SIPA1L1: variants seen among roughly 807,000 people sequenced by gnomAD.
SIPA1L1 encodes signal-induced proliferation-associated 1-like protein 1.
A neutral mutation model predicts 162.7 loss-of-function variants in SIPA1L1; 26 were observed. That is an observed-to-expected ratio of 0.16 (90% CI 0.12 to 0.22). The LOEUF (loss-of-function observed/expected upper bound fraction) is 0.22, where lower values mean the gene tolerates loss of function less well. Among genes scored for constraint, SIPA1L1 ranks in the 10% least tolerant of loss-of-function variants. The pLI, the probability that SIPA1L1 is intolerant of heterozygous loss-of-function variation, is 1.00. For synonymous variants in SIPA1L1, 829 were observed against 837.4 expected, an observed-to-expected ratio of 0.99 and a Z score of 0.17; for missense variants, 1,874 against 2,241.0, an observed-to-expected ratio of 0.84 and a Z score of 3.31.
intron 13 of SIPA1L1, among the ~76,000 whole-genome samples, chr14:71,698,058 C>T (rs756810800): frequency 3.9e-5 from 6 of 152,192 alleles, no homozygotes; most frequent in Non-Finnish European, 7.3e-5. Context: ...TTAGATTTCA[C>T]TTCCTAAGTT....
At chr14:71,509,686 G>A (rs2050957800) in intron 2 of SIPA1L1, among the ~76,000 whole-genome samples, 2 of 150,776 alleles carry the variant, frequency 1.3e-5, no homozygotes, top group African/African-American at 4.9e-5. Context: ...GGAGGTTGCA[G>A]TGAACTGAGA....
chr14:71,491,761 A>ACACACACAC (rs2049277691), intron 2 of SIPA1L1, among the ~76,000 whole-genome samples: 4 of 97,878 alleles, frequency 4.1e-5, no homozygotes, highest in African/African-American at 4.0e-5. Context: ...TTTTATTTCA[A>ACACACACAC]ACACACACAC....
intron 14 of SIPA1L1, among the ~76,000 whole-genome samples, chr14:71,700,726 G>A (rs1461553924): frequency 1.3e-5 from 2 of 152,258 alleles, no homozygotes; most frequent in African/African-American, 2.4e-5. Context: ...CTGGTACGGT[G>A]GCTGTCGCCT....
intron 17 of SIPA1L1, among the ~76,000 whole-genome samples, chr14:71,715,824 G>A (rs1044662807): frequency 1.3e-5 from 2 of 152,100 alleles, no homozygotes; most frequent in East Asian, 3.8e-4. Flanking sequence ...CAAGCATCTG[G>A]CTTTGTTTTC....
At chr14:71,443,085 T>C (rs1468393637) in intron 2 of SIPA1L1, among the ~76,000 whole-genome samples, 2 of 152,232 alleles carry the variant, frequency 1.3e-5, no homozygotes, top group Admixed American at 1.3e-4. Flanking sequence ...TAATTCATGT[T>C]GGAACCAGTT....
chr14:71,347,153 G>A (rs1363194029), intron 2 of SIPA1L1, among the ~76,000 whole-genome samples: 1 of 151,566 alleles, frequency 6.6e-6, no homozygotes, highest in South Asian at 2.1e-4. Flanking sequence ...TAGAGATGGG[G>A]TATCACCGCG....
At chr14:71,444,312 C>A (rs2045169649) in intron 2 of SIPA1L1, among the ~76,000 whole-genome samples, 1 of 152,182 alleles carries the variant, frequency 6.6e-6, no homozygotes, top group African/African-American at 2.4e-5. Context: ...AGAATGATTT[C>A]ATTTACTTCA....
intron 4 of SIPA1L1, among the ~76,000 whole-genome samples, chr14:71,546,710 A>G (rs908501292): frequency 1.3e-5 from 2 of 152,148 alleles, no homozygotes; most frequent in Admixed American, 6.5e-5. Flanking sequence ...GAGCAGGTAC[A>G]ATATGACTAA....
chr14:71,366,977 A>G (rs548719791), intron 2 of SIPA1L1, among the ~76,000 whole-genome samples: 39 of 152,310 alleles, frequency 2.6e-4, no homozygotes, highest in Admixed American at 8.5e-4. Flanking sequence ...GAAATCGTCA[A>G]ATAACACAAA....
intron 4 of SIPA1L1, among the ~76,000 whole-genome samples, chr14:71,539,322 C>G (rs187150292): frequency 1.2e-4 from 18 of 152,262 alleles, no homozygotes; most frequent in Non-Finnish European, 4.4e-5. Context: ...TGTAAATATT[C>G]TCTATTCACT....
chr14:71,713,671 T>G (rs1369276744), intron 17 of SIPA1L1, among the ~76,000 whole-genome samples: 1 of 152,190 alleles, frequency 6.6e-6, no homozygotes, highest in East Asian at 1.9e-4. Context: ...AAGAAAGGCT[T>G]CTTATGTGTG....
At chr14:71,457,726 C>G (rs1185981595) in intron 2 of SIPA1L1, among the ~76,000 whole-genome samples, 1 of 152,068 alleles carries the variant, frequency 6.6e-6, no homozygotes, top group Non-Finnish European at 1.5e-5. Flanking sequence ...TCCTAAGTAG[C>G]TGGGATTACA....
At chr14:71,600,195 T>C (rs1596346327) in intron 5 of SIPA1L1, among the ~76,000 whole-genome samples, 1 of 152,200 alleles carries the variant, frequency 6.6e-6, no homozygotes, top group Non-Finnish European at 1.5e-5. Flanking sequence ...CCTAAACCAA[T>C]GTCCTGGAGC....
chr14:71,379,301 C>CT (rs778659338), intron 2 of SIPA1L1, among the ~76,000 whole-genome samples: 103 of 142,532 alleles, frequency 7.2e-4, no homozygotes, highest in Admixed American at 9.9e-4. Context: ...TTCTTTCTTT[C>CT]TTTTTTTTTT....
intron 13 of SIPA1L1, among the ~76,000 whole-genome samples, chr14:71,692,071 C>T (rs1459743553): frequency 6.6e-6 from 1 of 152,108 alleles, no homozygotes; most frequent in African/African-American, 2.4e-5. Context: ...TCCAGCTTTC[C>T]ACACGAAGAG....
intron 2 of SIPA1L1, among the ~76,000 whole-genome samples, chr14:71,443,556 T>G (rs905325748): frequency 6.6e-6 from 1 of 152,186 alleles, no homozygotes; most frequent in Admixed American, 6.5e-5. Flanking sequence ...GTACTTGAGA[T>G]GACATGCAAT....
At chr14:71,715,037 T>A (rs950246169) in intron 17 of SIPA1L1, among the ~76,000 whole-genome samples, 1 of 152,258 alleles carries the variant, frequency 6.6e-6, no homozygotes. Context: ...ATTTTTGACA[T>A]CTAAGATTCT....
intron 2 of SIPA1L1, among the ~76,000 whole-genome samples, chr14:71,375,186 G>A (rs1232873986): frequency 6.6e-6 from 1 of 152,060 alleles, no homozygotes; most frequent in East Asian, 1.9e-4. Flanking sequence ...AGCCTCTGGG[G>A]AGCTGCCATT....
intron 17 of SIPA1L1, among the ~76,000 whole-genome samples, chr14:71,714,206 TG>T (rs1433067647): frequency 1.3e-5 from 2 of 152,166 alleles, no homozygotes; most frequent in Non-Finnish European, 2.9e-5. Context: ...TTCCAGCTTT[TG>T]GGGGTGGTTA....
Sources: allele counts gnomAD v4.1 joint callset (sites outside exome capture counted in the v4.1 genomes callset), GRCh38; gene constraint gnomAD v4.1.1; transcripts MANE v1.5; gene names NCBI Gene and HGNC (gene_info 2026-07-23, HGNC 2026-07-21).